Variants in FREM3 observed in about 807,000 individuals in gnomAD.
FREM3 encodes the protein FRAS1-related extracellular matrix protein 3.
In FREM3, 105 loss-of-function variants were observed where a neutral mutation model predicts 129.1. The ratio of observed to expected loss-of-function variants is 0.81; its 90% CI spans 0.69 to 0.96. The LOEUF (loss-of-function observed/expected upper bound fraction) is 0.96. FREM3 is among the 40% of genes least tolerant of loss of function. The pLI is 0.00. For synonymous variants in FREM3, 1,014 were observed against 1,044.9 expected, an observed-to-expected ratio of 0.97 and a Z score of 0.57; for missense variants, 2,593 against 2,666.3, an observed-to-expected ratio of 0.97 and a Z score of 0.61.
chr4:143,639,780 A>G (rs1271919886), intron 2 of FREM3, among the ~76,000 whole-genome samples: 2 of 152,138 alleles, frequency 1.3e-5, no homozygotes, highest in Admixed American at 1.3e-4. Context: ...AAGTCTTTTC[A>G]TATCCATTAT....
At chr4:143,675,845 A>G (rs978488608) in intron 2 of FREM3, among the ~76,000 whole-genome samples, 7 of 152,248 alleles carry the variant, frequency 4.6e-5, no homozygotes, top group African/African-American at 1.7e-4. Flanking sequence ...AACCAGGAAG[A>G]AGTTGAATCT....
Position 143,697,300 on chromosome 4 carries a change from C to G in FREM3, c.3376G>C (p.Gly1126Arg). 2 of 1,537,226 alleles carry G rather than the reference C, an allele frequency of 1.3e-6. No homozygotes were observed. The highest frequency in any genetic ancestry group is 1.7e-6 in the Non-Finnish European group (2 of 1,146,900). ...GYLEKIASAP[G>R]SKMSQSGSPI... ...CTACCAGACTGGGACATTTTTGAAC[C>G]AGGAGCTGATGCAATCTTTTCCAGG... is the stretch of plus-strand genomic sequence containing the variant. The change falls in exon 1 of 8, where the codon GGT (glycine) becomes CGT (arginine). Residue 1126 changes from glycine (G) to arginine (R), a missense_variant. Physicochemically the swap from Gly to Arg is moderately radical, Grantham distance 125. Around this residue, in one of 2 missense-constraint regions of FREM3, gnomAD observed 2,276 missense variants for 2,267.2 expected, o/e 1.00. Transcript: ENST00000329798.
intron 7 of FREM3, among the ~76,000 whole-genome samples, chr4:143,581,663 G>A (rs1265570993): frequency 2.0e-5 from 3 of 151,926 alleles, no homozygotes; most frequent in Admixed American, 6.6e-5. Context: ...CACCTCTACC[G>A]TGCCAGTTGC....
intron 5 of FREM3, among the ~76,000 whole-genome samples, chr4:143,613,479 G>C (rs1738795406): frequency 6.6e-6 from 1 of 152,196 alleles, no homozygotes; most frequent in Non-Finnish European, 1.5e-5. Flanking sequence ...GAATGCCTAA[G>C]ACAGGCACTC....
intron 2 of FREM3, among the ~76,000 whole-genome samples, chr4:143,643,348 C>A (rs1739355934): frequency 6.6e-6 from 1 of 151,886 alleles, no homozygotes; most frequent in South Asian, 2.1e-4. Context: ...TTACAATAGC[C>A]AAGATATTGG....
At chr4:143,618,380 A>G (rs1295159514) in intron 5 of FREM3, among the ~76,000 whole-genome samples, 1 of 152,018 alleles carries the variant, frequency 6.6e-6, no homozygotes, top group Non-Finnish European at 1.5e-5. Context: ...ATAAGAAGGT[A>G]TTTTCATGTT....
At chr4:143,595,842 C>T (rs1738469417) in intron 6 of FREM3, among the ~76,000 whole-genome samples, 1 of 147,518 alleles carries the variant, frequency 6.8e-6, no homozygotes, top group African/African-American at 2.5e-5. Flanking sequence ...GAGCTGAGAT[C>T]ACGCCACTGC....
chr4:143,675,179 TAACA>T (rs1375191441), intron 2 of FREM3, among the ~76,000 whole-genome samples: 3 of 152,102 alleles, frequency 2.0e-5, no homozygotes, highest in African/African-American at 7.2e-5. Context: ...ACAGAAATTA[TAACA>T]AACAGTCTCT....
In FREM3 at chr4:143,610,217, G is replaced by A. The variant is rs201971044; in HGVS notation, c.6028+1062C>T. 1.6e-4 allele frequency among the ~76,000 whole-genome samples: 24 copies of A among 152,218 alleles called. No homozygotes were observed. The East Asian group carries it at 4.4e-3, about 28-fold the overall frequency. Reference sequence around the variant, plus strand: ...AAAGTAGTCTACTGAAAATTTCAGAGATCTGGTCCACAGGGTGAAATATTC... The same window carrying A: ...AAAGTAGTCTACTGAAAATTTCAGAAATCTGGTCCACAGGGTGAAATATTC... On this transcript the variant is annotated intron_variant, in intron 6 of 7. Transcript: ENST00000329798.
intron 2 of FREM3, among the ~76,000 whole-genome samples, chr4:143,632,439 AC>A (rs1023297128): frequency 6.6e-6 from 1 of 152,120 alleles, no homozygotes; most frequent in Non-Finnish European, 1.5e-5. Context: ...GAAAACAAGC[AC>A]AAAAATAAAT....
intron 2 of FREM3, 130 bp downstream of exon 2, chr4:143,692,983 T>C (rs1362678110): frequency 4.4e-6 from 2 of 455,620 alleles, no homozygotes; most frequent in Non-Finnish European, 3.9e-6. Context: ...GTTTGTATTA[T>C]GACATTATTT....
chr4:143,618,387 T>G (rs1384036980), intron 5 of FREM3, among the ~76,000 whole-genome samples: 1 of 151,770 alleles, frequency 6.6e-6, no homozygotes, highest in Non-Finnish European at 1.5e-5. Flanking sequence ...GGTATTTTCA[T>G]GTTTGTGGTT....
chr4:143,581,579 A>T (rs945009843), intron 7 of FREM3, among the ~76,000 whole-genome samples: 13 of 151,592 alleles, frequency 8.6e-5, no homozygotes, highest in Non-Finnish European at 1.9e-4. Context: ...CCCCTCTGCC[A>T]CTGCCACTGC....
intron 2 of FREM3, among the ~76,000 whole-genome samples, chr4:143,664,745 T>G (rs1739819501): frequency 6.6e-6 from 1 of 152,146 alleles, no homozygotes; most frequent in Non-Finnish European, 1.5e-5. Context: ...CTCCACCCAG[T>G]TCGAGCTTCC....
chr4:143,582,227 G>T (rs1738159601), intron 7 of FREM3, among the ~76,000 whole-genome samples: 1 of 152,148 alleles, frequency 6.6e-6, no homozygotes, highest in Non-Finnish European at 1.5e-5. Flanking sequence ...GCTTAGGAGT[G>T]CAAAGCCAAG....
chr4:143,580,293 C>T (rs1278274041), intron 7 of FREM3, among the ~76,000 whole-genome samples: 1 of 152,140 alleles, frequency 6.6e-6, no homozygotes, highest in African/African-American at 2.4e-5. Context: ...GACAGGACGG[C>T]TGCCCACCTA....
intron 2 of FREM3, among the ~76,000 whole-genome samples, chr4:143,633,035 A>G (rs1739166615): frequency 6.6e-6 from 1 of 152,140 alleles, no homozygotes; most frequent in African/African-American, 2.4e-5. Flanking sequence ...TTGATTTAAA[A>G]GTGTACAATG....
At chr4:143,614,679 A>G (rs1236333052) in intron 5 of FREM3, among the ~76,000 whole-genome samples, 1 of 152,240 alleles carries the variant, frequency 6.6e-6, no homozygotes, top group Non-Finnish European at 1.5e-5. Flanking sequence ...TAAGGGTTAG[A>G]ACCAAAGATT....
In FREM3 at chr4:143,700,016, C is replaced by G. The variant is rs1280434802; in HGVS notation, c.660G>C (p.Leu220=). Residue 220 remains leucine, a synonymous_variant, in exon 1 of 8, where the codon CTG becomes CTC. Transcript: ENST00000329798. ...CGTCCACCAAGCGCCCGTACTTGGG[C>G]AGGGGGCCGTCCTCGTGAGGAAGTG... is the stretch of plus-strand genomic sequence containing the variant. ...LTPLPHEDGP[L]PKYGRLVDAV... The G allele has an allele frequency of 6.6e-7, 1 of 1,506,918 alleles. No individual in the cohort carries two copies. The highest frequency in any genetic ancestry group is 1.4e-5 in the African/African-American group (1 of 72,398). The allele number at this position is 1,506,918 out of a possible 1,614,324, so 93.3% of individuals were successfully genotyped here.
Sources: gnomAD v4.1 joint callset for allele counts (sites outside exome capture counted in the v4.1 genomes callset) on GRCh38, gnomAD v4.1.1 for gene constraint, gnomAD v4.1.1 regional missense constraint, MANE v1.5 for transcripts, NCBI Gene and HGNC (gene_info 2026-07-23, HGNC 2026-07-21) for gene names.